RAPGEF6: variants seen among roughly 807,000 people sequenced by gnomAD.
RAPGEF6 encodes Rap guanine nucleotide exchange factor 6.
Under a neutral mutation model 171.4 loss-of-function variants are expected in RAPGEF6, and 56 were observed. That is an observed-to-expected ratio of 0.33 (90% CI 0.26 to 0.41). The LOEUF is 0.41. Among genes scored for constraint, RAPGEF6 ranks in the 10% least tolerant of loss-of-function variants. RAPGEF6 has a pLI of 1.00. For missense variants in RAPGEF6, 1,674 were observed against 1,921.4 expected (o/e 0.87, Z 2.41); for synonymous variants, 692 against 650.1 (o/e 1.06, Z -0.98).
chr5:131,576,600 G>A (rs1398245206), intron 4 of RAPGEF6, among the ~76,000 whole-genome samples: 1 of 152,146 alleles, frequency 6.6e-6, no homozygotes, highest in Admixed American at 6.5e-5. Flanking sequence ...ACTGCTTGAG[G>A]CAACGCTTAT....
intron 6 of RAPGEF6, among the ~76,000 whole-genome samples, chr5:131,529,605 AT>A (rs1276100609): frequency 4.0e-5 from 6 of 151,886 alleles, no homozygotes; most frequent in African/African-American, 1.5e-4. Flanking sequence ...GGCATCAAGG[AT>A]TAAAAAAAAT....
intron 7 of RAPGEF6, among the ~76,000 whole-genome samples, chr5:131,517,915 G>T (rs1758206030): frequency 6.6e-6 from 1 of 151,238 alleles, no homozygotes; most frequent in Non-Finnish European, 1.5e-5. Context: ...TTATAATTCT[G>T]TGTTTATTCC....
intron 19 of RAPGEF6, among the ~76,000 whole-genome samples, chr5:131,459,322 A>T (rs1753744127): frequency 6.6e-6 from 1 of 152,222 alleles, no homozygotes; most frequent in African/African-American, 2.4e-5. Context: ...ATTAATAAAA[A>T]ATGTTGTCTA....
At chr5:131,507,110 G>A (rs1002700832) in intron 9 of RAPGEF6, among the ~76,000 whole-genome samples, 8 of 147,594 alleles carry the variant, frequency 5.4e-5, no homozygotes, top group African/African-American at 1.7e-4. Context: ...CTTAACCATC[G>A]CTTATCACTG....
intron 6 of RAPGEF6, among the ~76,000 whole-genome samples, chr5:131,536,702 A>G (rs1759801063): frequency 6.6e-6 from 1 of 152,124 alleles, no homozygotes. Context: ...AAAGAACAAT[A>G]AAAGGCACCA....
rs531877949 is a variant in RAPGEF6 at position 131,578,933 on chromosome 5, C to A, written c.281+13450G>T. Among the ~76,000 whole-genome samples the A allele has an allele frequency of 3.7e-4, 56 of 152,098 alleles. 1 individual carries two copies. The highest frequency in any genetic ancestry group is 5.3e-4 in the Non-Finnish European group (36 of 68,010). ...TGCTTATATCCAGCCCCATTGTGTCCGAAATTGGTGGGTTCTTGGTCTCAC... is the reference window on the plus strand; with the variant it reads ...TGCTTATATCCAGCCCCATTGTGTCAGAAATTGGTGGGTTCTTGGTCTCAC... On this transcript the variant is annotated intron_variant, in intron 4 of 27. Coordinates refer to ENST00000509018, the MANE Select transcript of RAPGEF6 (RefSeq NM_016340.6).
chr5:131,598,441 G>C (rs1231500558), intron 3 of RAPGEF6, among the ~76,000 whole-genome samples: 1 of 152,008 alleles, frequency 6.6e-6, no homozygotes, highest in Non-Finnish European at 1.5e-5. Flanking sequence ...ATCAAATCAG[G>C]GTATCATGAA....
At chr5:131,452,219 C>CA (rs11464750) in intron 21 of RAPGEF6, among the ~76,000 whole-genome samples, 141,662 of 143,476 alleles carry the variant, frequency 0.99, 69,938 homozygotes, top group East Asian at 1. Flanking sequence ...GACTCCGTCT[C>CA]AAAAAAAAAA....
chr5:131,580,295 C>T (rs1389494661), intron 4 of RAPGEF6, among the ~76,000 whole-genome samples: 2 of 152,180 alleles, frequency 1.3e-5, no homozygotes, highest in African/African-American at 4.8e-5. Flanking sequence ...CCCTTACTGC[C>T]CAGGGCCGGC....
At chr5:131,428,709 G>A (rs923562298) in intron 27 of RAPGEF6, among the ~76,000 whole-genome samples, 193 bp downstream of exon 27, 5 of 151,958 alleles carry the variant, frequency 3.3e-5, no homozygotes, top group African/African-American at 4.8e-5. Flanking sequence ...TGATTCGCCC[G>A]CCTCAGCCTC....
intron 4 of RAPGEF6, among the ~76,000 whole-genome samples, chr5:131,587,301 T>A (rs1435156407): frequency 6.6e-6 from 1 of 152,180 alleles, no homozygotes; most frequent in Non-Finnish European, 1.5e-5. Flanking sequence ...TGTTCACAGC[T>A]GCATTACTTA....
chr5:131,582,407 T>G (rs1184382660), intron 4 of RAPGEF6, among the ~76,000 whole-genome samples: 1 of 151,784 alleles, frequency 6.6e-6, no homozygotes, highest in African/African-American at 2.4e-5. Context: ...AAGATAAAAT[T>G]AGATCCACAC....
chr5:131,604,788 T>G (rs1202221875), intron 1 of RAPGEF6, 95 bp from the exon 2 acceptor site: 2 of 1,394,846 alleles, frequency 1.4e-6, no homozygotes, highest in Non-Finnish European at 1.9e-6. Flanking sequence ...AACAACCACT[T>G]ATGGCAAAGC....
intron 19 of RAPGEF6, among the ~76,000 whole-genome samples, chr5:131,458,202 T>C (rs546497817): frequency 1.3e-4 from 20 of 152,310 alleles, no homozygotes; most frequent in African/African-American, 4.6e-4. Context: ...AATCCCCACA[T>C]GTCAGGGGAA....
intron 6 of RAPGEF6, among the ~76,000 whole-genome samples, chr5:131,531,243 G>T (rs937076408): frequency 6.6e-6 from 1 of 152,142 alleles, no homozygotes; most frequent in Non-Finnish European, 1.5e-5. Context: ...TGCCTCTATT[G>T]TGCCTGTCTG....
At chr5:131,579,165 C>T (rs181174035) in intron 4 of RAPGEF6, among the ~76,000 whole-genome samples, 2 of 152,078 alleles carry the variant, frequency 1.3e-5, no homozygotes, top group African/African-American at 2.4e-5. Flanking sequence ...TGGAGTTGTT[C>T]GCTCCTCCCG....
chr5:131,588,550 C>A (rs1763398518), intron 4 of RAPGEF6, among the ~76,000 whole-genome samples: 1 of 152,076 alleles, frequency 6.6e-6, no homozygotes, highest in Non-Finnish European at 1.5e-5. Flanking sequence ...CGAGACCAGC[C>A]TGGCCAACAT....
rs1253330663 is a variant in RAPGEF6 at position 131,426,117 on chromosome 5, A to G, written c.*1149T>C. On this transcript the variant is annotated 3_prime_UTR_variant, in exon 28 of 28. Transcript: ENST00000509018. ...CTCAAGGGCTAAAAACTGAGAACCAAGAGACAATCATTTCTGTAACTCCAG... is the reference window on the plus strand; with the variant it reads ...CTCAAGGGCTAAAAACTGAGAACCAGGAGACAATCATTTCTGTAACTCCAG... The G allele has an allele frequency of 6.6e-6, 1 of 152,240 alleles. No individual in the cohort carries two copies. The highest frequency in any genetic ancestry group is 2.4e-5 in the African/African-American group (1 of 41,416). 9.4% of individuals were successfully genotyped at this position (152,240 alleles called of 1,614,324 possible).
At chr5:131,587,406 G>T (rs558188125) in intron 4 of RAPGEF6, among the ~76,000 whole-genome samples, 86 of 152,340 alleles carry the variant, frequency 5.6e-4, no homozygotes, top group African/African-American at 2.0e-3. Flanking sequence ...TTGAGGAAAA[G>T]TAAGAGAGTA....
Sources: allele counts gnomAD v4.1 joint callset (sites outside exome capture counted in the v4.1 genomes callset), GRCh38; gene constraint gnomAD v4.1.1; transcripts MANE v1.5; gene names NCBI Gene and HGNC (gene_info 2026-07-23, HGNC 2026-07-21).